Variants in GABRG1 observed in about 807,000 individuals in gnomAD.
GABRG1 encodes gamma-aminobutyric acid receptor subunit gamma-1.
In GABRG1, 49 loss-of-function variants were observed where a neutral mutation model predicts 49.8. That is an observed-to-expected ratio of 0.98 (90% CI 0.78 to 1.25). GABRG1 has a LOEUF of 1.25. GABRG1 is among the 50% of genes most tolerant of loss of function. The probability of loss-of-function intolerance (pLI) is 0.00; values close to 1 mark genes in which losing one functional copy is unlikely to be tolerated. For missense variants in GABRG1, 552 were observed against 552.3 expected (o/e 1.00, Z 0.01); for synonymous variants, 232 against 185.1 (o/e 1.25, Z -2.06).
intron 2 of GABRG1, among the ~76,000 whole-genome samples, chr4:46,089,224 G>A (rs1200645283): frequency 1.3e-5 from 2 of 151,796 alleles, no homozygotes; most frequent in African/African-American, 4.8e-5. Context: ...CCCAAGCCAG[G>A]GAATTGAGCC....
intron 1 of GABRG1, among the ~76,000 whole-genome samples, chr4:46,112,514 A>G (rs1720749054): frequency 1.3e-5 from 2 of 151,306 alleles, no homozygotes; most frequent in African/African-American, 2.4e-5. Flanking sequence ...AAATAATTCT[A>G]CCAAAAAGAC....
chr4:46,038,307 A>G lies in GABRG1; in HGVS notation c.*2681T>C, dbSNP rs1178668036. 2 of 151,646 alleles carry G rather than the reference A, an allele frequency of 1.3e-5. No individual in the cohort carries two copies. Among genetic ancestry groups the G allele is most frequent in the Admixed American group, 1.3e-4 (2 of 15,156 alleles). The allele number at this position is 151,646 out of a possible 1,614,324, so 9.4% of individuals were successfully genotyped here. On this transcript the variant is annotated 3_prime_UTR_variant, in exon 9 of 9. Transcript: ENST00000295452. Reference sequence around the variant, plus strand: ...AAATAAAATATTACCCTGTCATTGTAAATCCAAAATCACATTTTCCCCTCT... The same window carrying G: ...AAATAAAATATTACCCTGTCATTGTGAATCCAAAATCACATTTTCCCCTCT...
At chr4:46,096,829 G>GA (rs1490899051) in intron 2 of GABRG1, among the ~76,000 whole-genome samples, 4 of 151,550 alleles carry the variant, frequency 2.6e-5, no homozygotes, top group African/African-American at 9.7e-5. Flanking sequence ...AATATGGCAT[G>GA]AAAAAGTATA....
rs1023167622 is a variant in GABRG1 at position 46,035,865 on chromosome 4, T to C, written c.*5123A>G. On this transcript the variant is annotated 3_prime_UTR_variant, in exon 9 of 9. Coordinates refer to ENST00000295452, the MANE Select transcript of GABRG1 (RefSeq NM_173536.4). ...AAGAACACTGAAAAATTGAGACACC[T>C]TTGCCACAAAATTACAAATGTTCCT... The C allele has an allele frequency of 6.6e-6, 1 of 151,978 alleles. No individual in the cohort carries two copies. The highest frequency in any genetic ancestry group is 2.4e-5 in the African/African-American group (1 of 41,428). The allele number at this position is 151,978 out of a possible 1,614,324, so 9.4% of individuals were successfully genotyped here.
chr4:46,105,993 T>C (rs1720536226), intron 1 of GABRG1, among the ~76,000 whole-genome samples: 1 of 151,406 alleles, frequency 6.6e-6, no homozygotes, highest in Non-Finnish European at 1.5e-5. Context: ...TTACTCTCCT[T>C]CCTGAAATGT....
intron 8 of GABRG1, among the ~76,000 whole-genome samples, chr4:46,045,079 TGAA>T (rs1717942247): frequency 6.6e-6 from 1 of 152,104 alleles, no homozygotes; most frequent in East Asian, 1.9e-4. Context: ...GGAACAATCA[TGAA>T]GAAGTTTTGA....
intron 1 of GABRG1, among the ~76,000 whole-genome samples, chr4:46,122,864 G>T (rs1301582045): frequency 6.6e-6 from 1 of 151,982 alleles, no homozygotes; most frequent in Non-Finnish European, 1.5e-5. Context: ...TGCATGGTAT[G>T]AGTACCATGT....
intron 1 of GABRG1, among the ~76,000 whole-genome samples, chr4:46,118,635 C>T (rs1227985192): frequency 6.6e-6 from 1 of 150,782 alleles, no homozygotes; most frequent in Non-Finnish European, 1.5e-5. Flanking sequence ...TATCTAGTTT[C>T]CAGAACCCTG....
Position 46,058,207 on chromosome 4 carries a change from C to T in GABRG1, c.916+10G>A. 2 of 1,604,178 alleles carry T rather than the reference C, an allele frequency of 1.2e-6. No homozygotes were observed. Among genetic ancestry groups the T allele is most frequent in the Non-Finnish European group, 1.7e-6 (2 of 1,176,260 alleles). On this transcript the variant is annotated intron_variant, in intron 7 of 8. Transcript: ENST00000295452. ...TCTATGGCATTATAGCATAATATTA[C>T]ATGTCATACCCAACGATGTTCTTGC...
intron 1 of GABRG1, among the ~76,000 whole-genome samples, chr4:46,102,985 T>G (rs779469638): frequency 6.6e-6 from 1 of 151,064 alleles, no homozygotes; most frequent in African/African-American, 2.4e-5. Context: ...CCAAGGAAAA[T>G]CTTGGTTTAC....
chr4:46,058,422 A>G (rs1718536968), intron 6 of GABRG1, 53 bp from the exon 7 acceptor site: 2 of 1,594,546 alleles, frequency 1.3e-6, no homozygotes, highest in South Asian at 2.3e-5. Flanking sequence ...CACAATCCAT[A>G]TATTTAAAAT....
intron 7 of GABRG1, among the ~76,000 whole-genome samples, chr4:46,056,590 T>G (rs374353805): frequency 9.9e-4 from 151 of 152,282 alleles, no homozygotes; most frequent in African/African-American, 3.4e-3. Context: ...ATTGTATGCC[T>G]TTTACATTTG....
rs542099673 is a variant in GABRG1 at position 46,101,558 on chromosome 4, A to G, written c.105-4209T>C. Among the ~76,000 whole-genome samples, 3 of 151,722 alleles carry G rather than the reference A, an allele frequency of 2.0e-5. No individual in the cohort carries two copies. The South Asian group carries it at 6.2e-4, about 31-fold the overall frequency. On this transcript the variant is annotated intron_variant, in intron 1 of 8. Coordinates refer to ENST00000295452, the MANE Select transcript of GABRG1 (RefSeq NM_173536.4). Reference sequence around the variant, plus strand: ...GTTTTTGTCCATCTACAGAGATAATACCGTGTACTAAAAATGTGCTAAGTG... The same window carrying G: ...GTTTTTGTCCATCTACAGAGATAATGCCGTGTACTAAAAATGTGCTAAGTG...
At chr4:46,044,453 C>A (rs1219493178) in intron 8 of GABRG1, among the ~76,000 whole-genome samples, 1 of 151,906 alleles carries the variant, frequency 6.6e-6, no homozygotes, top group East Asian at 1.9e-4. Flanking sequence ...TGCATTCCAG[C>A]CTGGGTGATG....
chr4:46,110,960 A>T (rs549590655), intron 1 of GABRG1, among the ~76,000 whole-genome samples: 91 of 151,294 alleles, frequency 6.0e-4, no homozygotes, highest in African/African-American at 2.1e-3. Context: ...GGCCACTCCT[A>T]CCACTCCTAT....
intron 2 of GABRG1, among the ~76,000 whole-genome samples, chr4:46,085,587 C>T (rs1399421563): frequency 1.3e-5 from 2 of 151,446 alleles, no homozygotes; most frequent in Non-Finnish European, 3.0e-5. Context: ...TCTGCAGCAG[C>T]AACCGACAAA....
chr4:46,071,144 G>A (rs984267870), intron 3 of GABRG1, among the ~76,000 whole-genome samples: 1 of 151,882 alleles, frequency 6.6e-6, no homozygotes, highest in African/African-American at 2.4e-5. Flanking sequence ...CTATTATGCT[G>A]CCAGTTGTTT....
chr4:46,058,192 T>C (rs1415809773), intron 7 of GABRG1, 25 bp downstream of exon 7: 2 of 1,590,484 alleles, frequency 1.3e-6, no homozygotes. Flanking sequence ...TCTATGGCAT[T>C]ATAGCATAAT....
At chr4:46,047,754 T>C (rs1718058907) in intron 8 of GABRG1, among the ~76,000 whole-genome samples, 1 of 152,068 alleles carries the variant, frequency 6.6e-6, no homozygotes, top group Non-Finnish European at 1.5e-5. Flanking sequence ...ATTCATCTAA[T>C]TGTTAATTCC....
Sources: gnomAD v4.1 joint callset for allele counts (sites outside exome capture counted in the v4.1 genomes callset) on GRCh38, gnomAD v4.1.1 for gene constraint, MANE v1.5 for transcripts, NCBI Gene and HGNC (gene_info 2026-07-23, HGNC 2026-07-21) for gene names.